ERP44: variants seen among roughly 807,000 people sequenced by gnomAD.
ERP44 encodes the protein endoplasmic reticulum resident protein 44.
ERP44 carries 25 observed loss-of-function variants against 53.4 expected under a neutral mutation model. The ratio of observed to expected loss-of-function variants is 0.47; its 90% confidence interval spans 0.34 to 0.65. The LOEUF is 0.65. Among genes scored for constraint, ERP44 ranks in the 30% least tolerant of loss-of-function variants. The pLI is 0.01. For missense variants in ERP44, 338 were observed against 493.2 expected (o/e 0.69, Z 2.98); for synonymous variants, 145 against 161.2 (o/e 0.90, Z 0.76).
rs139700419 is a variant in ERP44 at position 99,998,488 on chromosome 9, G to A, written c.1016+8018C>T. Reference sequence around the variant, plus strand: ...TCTGCACTCTTCCTGGTCTCTCCACGGCCTCCCTCGGAGCCCCGCTGTCCC... The same window carrying A: ...TCTGCACTCTTCCTGGTCTCTCCACAGCCTCCCTCGGAGCCCCGCTGTCCC... On this transcript the variant is annotated intron_variant, in intron 10 of 11. Coordinates refer to ENST00000262455, the MANE Select transcript of ERP44 (RefSeq NM_015051.3). The A allele has an allele frequency of 4.3e-4, 306 of 710,326 alleles. 1 individual carries two copies. In the African/African-American group the frequency reaches 4.9e-3, roughly 11 times the overall value. The allele number at this position is 710,326 out of a possible 1,614,324, so 44.0% of individuals were successfully genotyped here. A position where few individuals can be genotyped will look rare whatever the true frequency, so the allele number is the denominator to read the frequency against.
At chr9:100,010,548 A>C (rs17811585) in intron 8 of ERP44, among the ~76,000 whole-genome samples, 1 of 152,094 alleles carries the variant, frequency 6.6e-6, no homozygotes, top group African/African-American at 2.4e-5. Flanking sequence ...AGTGAATGCA[A>C]ATTTTTTTAA....
chr9:100,049,202 G>A (rs751072252), intron 4 of ERP44, among the ~76,000 whole-genome samples: 18 of 152,088 alleles, frequency 1.2e-4, no homozygotes, highest in Non-Finnish European at 2.6e-4. Flanking sequence ...TTTAGCCCAG[G>A]AGTTTGAGAC....
intron 7 of ERP44, 104 bp from the exon 8 acceptor site, chr9:100,016,542 C>T: frequency 7.1e-7 from 1 of 1,400,346 alleles, no homozygotes; most frequent in Non-Finnish European, 9.3e-7. Context: ...CACTCTGTCA[C>T]CCAGGCTGGA....
chr9:100,081,270 G>A (rs1245762477), intron 1 of ERP44, among the ~76,000 whole-genome samples: 2 of 151,914 alleles, frequency 1.3e-5, no homozygotes, highest in Non-Finnish European at 2.9e-5. Context: ...AAAAGCTGGG[G>A]GATACCCATC....
chr9:100,048,664 C>T (rs946742761), intron 4 of ERP44, among the ~76,000 whole-genome samples: 2 of 152,128 alleles, frequency 1.3e-5, no homozygotes, highest in Admixed American at 6.5e-5. Context: ...TATATACATA[C>T]CACGAAATAT....
At position 100,098,845 on chromosome 9, in the gene ERP44, A is replaced by C; in HGVS notation, c.-5T>G. The C allele has an allele frequency of 1.9e-6, 3 of 1,613,134 alleles. No individual in the cohort carries two copies. The highest frequency in any genetic ancestry group is 2.5e-6 in the Non-Finnish European group (3 of 1,179,412). On this transcript the variant is annotated 5_prime_UTR_variant, in exon 1 of 12. Coordinates refer to ENST00000262455, the MANE Select transcript of ERP44 (RefSeq NM_015051.3). ...TAGGAAGACGGCAGGATGCATGGTA[A>C]CGCTGGGGTCCGTGACAGGGACAGG...
At chr9:100,087,360 C>A (rs1053379546) in intron 1 of ERP44, among the ~76,000 whole-genome samples, 3 of 152,124 alleles carry the variant, frequency 2.0e-5, no homozygotes, top group African/African-American at 7.2e-5. Flanking sequence ...ACCACAAAGG[C>A]CGGAAGCTGG....
At chr9:100,023,401 A>T (rs1461947544) in intron 4 of ERP44, among the ~76,000 whole-genome samples, 18 of 139,790 alleles carry the variant, frequency 1.3e-4, no homozygotes, top group African/African-American at 3.9e-4. Context: ...GAGAAATCAT[A>T]AAAAAAAAAA....
At chr9:100,059,823 T>C (rs1055737856) in intron 2 of ERP44, among the ~76,000 whole-genome samples, 1 of 152,200 alleles carries the variant, frequency 6.6e-6, no homozygotes, top group African/African-American at 2.4e-5. Flanking sequence ...GTCATTAACA[T>C]TTAGTTCTGC....
chr9:100,091,012 G>C (rs1030444718), intron 1 of ERP44, among the ~76,000 whole-genome samples: 1 of 152,070 alleles, frequency 6.6e-6, no homozygotes, highest in South Asian at 2.1e-4. Flanking sequence ...GGAAGAAATG[G>C]AAAAAGTACT....
At chr9:100,005,966 T>G (rs554927590) in intron 10 of ERP44, among the ~76,000 whole-genome samples, 2 of 152,356 alleles carry the variant, frequency 1.3e-5, no homozygotes, top group African/African-American at 4.8e-5. Flanking sequence ...TGTACATATA[T>G]TAATACTATA....
At chr9:100,034,431 C>T (rs1377476550) in intron 4 of ERP44, among the ~76,000 whole-genome samples, 1 of 152,104 alleles carries the variant, frequency 6.6e-6, no homozygotes, top group Non-Finnish European at 1.5e-5. Context: ...CTCAAATAAT[C>T]CACCCTTTGT....
At chr9:100,062,457 A>G (rs1296687348) in intron 1 of ERP44, among the ~76,000 whole-genome samples, 1 of 152,196 alleles carries the variant, frequency 6.6e-6, no homozygotes, top group Non-Finnish European at 1.5e-5. Context: ...AAGATTTTAC[A>G]CCTGTGTGCT....
intron 8 of ERP44, among the ~76,000 whole-genome samples, chr9:100,014,212 G>A (rs1830505850): frequency 6.6e-6 from 1 of 152,204 alleles, no homozygotes; most frequent in African/African-American, 2.4e-5. Flanking sequence ...TTATAGCCAT[G>A]GGTCAAATCT....
chr9:100,071,161 C>T (rs1826299386), intron 1 of ERP44, among the ~76,000 whole-genome samples: 1 of 132,226 alleles, frequency 7.6e-6, no homozygotes. Flanking sequence ...GTGGCATGAT[C>T]TCGGCTCACT....
intron 9 of ERP44, among the ~76,000 whole-genome samples, chr9:100,007,301 A>G (rs916322024): frequency 1.3e-5 from 2 of 152,234 alleles, no homozygotes; most frequent in Admixed American, 1.3e-4. Flanking sequence ...AATGAAGGCA[A>G]GTGCCCAGAA....
At chr9:100,098,723 CT>C in intron 1 of ERP44, 60 bp downstream of exon 1, 1 of 1,411,814 alleles carries the variant, frequency 7.1e-7, no homozygotes, top group Non-Finnish European at 1.0e-6. Flanking sequence ...AGTGTTCCCC[CT>C]GGGCGAGGGC....
intron 1 of ERP44, among the ~76,000 whole-genome samples, chr9:100,091,495 A>G (rs958323644): frequency 6.6e-6 from 1 of 152,238 alleles, no homozygotes; most frequent in African/African-American, 2.4e-5. Flanking sequence ...TTTAGGGCCA[A>G]TTCTGACATT....
At chr9:100,067,330 G>A (rs1826224055) in intron 1 of ERP44, among the ~76,000 whole-genome samples, 1 of 152,138 alleles carries the variant, frequency 6.6e-6, no homozygotes, top group African/African-American at 2.4e-5. Context: ...GCCTGCGACT[G>A]CAGGCGCGCG....
Sources: gnomAD v4.1 joint callset for allele counts (sites outside exome capture counted in the v4.1 genomes callset) on GRCh38, gnomAD v4.1.1 for gene constraint, MANE v1.5 for transcripts, NCBI Gene and HGNC (gene_info 2026-07-23, HGNC 2026-07-21) for gene names.